The following PCDHGA1 variants were observed in gnomAD, a reference collection of about 807,000 sequenced individuals.
The protein encoded by PCDHGA1 is protocadherin gamma-A1.
In PCDHGA1, 32 loss-of-function variants were observed where a neutral mutation model predicts 58.0. The ratio of observed to expected loss-of-function variants is 0.55; its 90% CI spans 0.42 to 0.74. PCDHGA1 has a LOEUF of 0.74. Ranked by LOEUF, PCDHGA1 falls within the 30% of genes least tolerant of loss-of-function variation. The pLI is 0.00. For synonymous variants in PCDHGA1, 498 were observed against 501.1 expected, an observed-to-expected ratio of 0.99 and a Z score of 0.08; for missense variants, 1,205 against 1,182.3, an observed-to-expected ratio of 1.02 and a Z score of -0.28.
Position 141,332,923 on chromosome 5 carries a change from C to G in PCDHGA1, c.2239C>G (p.Arg747Gly). 1 of 1,614,158 alleles carries G rather than the reference C, an allele frequency of 6.2e-7. No individual in the cohort carries two copies. Among genetic ancestry groups the G allele is most frequent in the Non-Finnish European group, 8.5e-7 (1 of 1,180,034 alleles). The change falls in exon 1 of 4, where the codon CGG becomes GGG. Residue 747 changes from arginine to glycine, a missense_variant. Coordinates refer to ENST00000517417, the MANE Select transcript of PCDHGA1 (RefSeq NM_018912.3). This position sits in a 1 kb window ranked among gnomAD's most constrained non-coding sequence, Gnocchi z 4.6. ...GCACTTTGTGGGCGTGGACGGGGTT[C>G]GGGCTTTCCTGCAGACCTATTCCCA... The part of the protein sequence containing the change: ...GSHFVGVDGV[R>G]AFLQTYSHEV...
At chr5:141,421,873 T>G (rs1219669838) in intron 1 of PCDHGA1, 3 of 1,613,592 alleles carry the variant, frequency 1.9e-6, no homozygotes, top group Non-Finnish European at 2.5e-6. Context: ...CCTCACAGCT[T>G]TAGATGGAGG....
chr5:141,378,375 T>C (rs2150126691), intron 1 of PCDHGA1: 1 of 152,224 alleles, frequency 6.6e-6, no homozygotes, highest in African/African-American at 2.4e-5. Context: ...ATACAAAAAT[T>C]AGCCAGGTGG....
intron 1 of PCDHGA1, among the ~76,000 whole-genome samples, chr5:141,449,264 C>T (rs2098633342): frequency 6.6e-6 from 1 of 152,056 alleles, no homozygotes; most frequent in African/African-American, 2.4e-5. Flanking sequence ...GTACAAAGAA[C>T]TGTATCTCCT....
At chr5:141,449,818 A>G (rs1446661913) in intron 1 of PCDHGA1, among the ~76,000 whole-genome samples, 2 of 151,708 alleles carry the variant, frequency 1.3e-5, no homozygotes, top group Non-Finnish European at 2.9e-5. Flanking sequence ...GTATTTCCTA[A>G]CAAGGACATT....
chr5:141,391,176 T>C (rs562307508), intron 1 of PCDHGA1: 1 of 152,322 alleles, frequency 6.6e-6, no homozygotes, highest in African/African-American at 2.4e-5. Context: ...ACTGCCAATC[T>C]GGTGTGCATA....
At chr5:141,478,159 T>C (rs1456465606) in intron 1 of PCDHGA1, 2 of 1,614,064 alleles carry the variant, frequency 1.2e-6, no homozygotes, top group Admixed American at 1.7e-5. Flanking sequence ...CCTCTGGCTC[T>C]GCCCCCCGGG....
intron 1 of PCDHGA1, chr5:141,356,408 GGTTGTT>G: frequency 3.8e-6 from 6 of 1,595,544 alleles, no homozygotes; most frequent in Non-Finnish European, 5.1e-6. Flanking sequence ...AATTATTATC[GGTTGTT>G]GACACACAGA....
chr5:141,476,661 T>G lies in PCDHGA1; in HGVS notation c.2422-18146T>G. 1.2e-6 allele frequency: 2 copies of G among 1,614,076 alleles called. No individual in the cohort carries two copies. The highest frequency in any genetic ancestry group is 1.7e-6 in the Non-Finnish European group (2 of 1,179,938). On this transcript the variant is annotated intron_variant, in intron 1 of 3. Coordinates refer to ENST00000517417, the MANE Select transcript of PCDHGA1 (RefSeq NM_018912.3). The surrounding 1 kb of genome is among the most constrained non-coding windows in gnomAD (Gnocchi z 7.6). Reference sequence around the variant, plus strand: ...CTGAGCCGAAATGAATACTTTGCGCTTCGCGTGCAGACGCGGGAGGACAGC... The same window carrying G: ...CTGAGCCGAAATGAATACTTTGCGCGTCGCGTGCAGACGCGGGAGGACAGC...
At position 141,494,787 on chromosome 5, in the gene PCDHGA1, T is replaced by G. The variant is rs763990551; in HGVS notation, c.2422-20T>G. The G allele has an allele frequency of 6.2e-7, 1 of 1,614,044 alleles. No individual in the cohort carries two copies. Among genetic ancestry groups the G allele is most frequent in the Non-Finnish European group, 8.5e-7 (1 of 1,179,990 alleles). On this transcript the variant is annotated intron_variant, in intron 1 of 3. Transcript: ENST00000517417. ...ACTTCTCACGGGTACTCAGCCCCTT[T>G]CCCTCTGTTTTCTCCACAGCAAGCC...
intron 1 of PCDHGA1, chr5:141,372,919 A>G (rs1404152823): frequency 2.0e-6 from 2 of 1,017,920 alleles, no homozygotes; most frequent in Non-Finnish European, 2.8e-6. Flanking sequence ...TATTTTATTG[A>G]TTTTCTGGTG....
Position 141,414,386 on chromosome 5 carries a change from G to A in PCDHGA1, c.2422-80421G>A, listed in dbSNP as rs746637010. On this transcript the variant is annotated intron_variant, in intron 1 of 3. Transcript: ENST00000517417. ...TTTAAATTAGAAAAGTCCATTGACA[G>A]TTATTACAGATTGGTGATACACAGA... is the stretch of plus-strand genomic sequence containing the variant. The A allele has an allele frequency of 1.9e-6, 3 of 1,613,906 alleles. No homozygotes were observed. The Admixed American group carries it at 5.0e-5, about 27-fold the overall frequency.
At chr5:141,500,222 T>TGA (rs1355843194) in intron 2 of PCDHGA1, among the ~76,000 whole-genome samples, 1 of 146,758 alleles carries the variant, frequency 6.8e-6, no homozygotes, top group Non-Finnish European at 1.5e-5. Flanking sequence ...ATTTATTTAT[T>TGA]TATTGATACG....
At position 141,382,780 on chromosome 5, in the gene PCDHGA1, A is replaced by T. The variant is rs1050419701; in HGVS notation, c.2421+49675A>T. On this transcript the variant is annotated intron_variant, in intron 1 of 3. Coordinates refer to ENST00000517417, the MANE Select transcript of PCDHGA1 (RefSeq NM_018912.3). ...CCCTCTTCCAGGCTGCACTAAACTC[A>T]AGCCTCTATCCTGCTGGATTCTGAG... is the stretch of plus-strand genomic sequence containing the variant. 8.4e-6 allele frequency: 7 copies of T among 836,240 alleles called. No homozygotes were observed. The African/African-American group carries it at 1.2e-4, about 14-fold the overall frequency. 51.8% of individuals were successfully genotyped at this position (836,240 alleles called of 1,614,324 possible).
intron 1 of PCDHGA1, chr5:141,408,375 T>C: frequency 6.2e-7 from 1 of 1,613,972 alleles, no homozygotes; most frequent in Non-Finnish European, 8.5e-7. Context: ...GGGCTCAGTG[T>C]CCTGGATGTG....
At chr5:141,448,316 T>G (rs1042171540) in intron 1 of PCDHGA1, among the ~76,000 whole-genome samples, 2 of 152,174 alleles carry the variant, frequency 1.3e-5, no homozygotes, top group Admixed American at 1.3e-4. Context: ...AGGAATCTTT[T>G]CTTTGAATCT....
chr5:141,351,814 C>A, intron 1 of PCDHGA1: 1 of 1,613,246 alleles, frequency 6.2e-7, no homozygotes, highest in South Asian at 1.1e-5. Context: ...CCTTCGACCA[C>A]GAGCAGCTGC....
At chr5:141,475,992 C>A in intron 1 of PCDHGA1, 1 of 1,158,844 alleles carries the variant, frequency 8.6e-7, no homozygotes, top group Non-Finnish European at 1.2e-6. Context: ...GCGAGCAAAT[C>A]AACGGCATCC....
chr5:141,371,367 G>T, intron 1 of PCDHGA1: 1 of 1,613,892 alleles, frequency 6.2e-7, no homozygotes, highest in South Asian at 1.1e-5. Context: ...AAAGGATGGT[G>T]GACATCACAC....
intron 1 of PCDHGA1, chr5:141,364,163 A>G (rs1042010311): frequency 7.4e-6 from 5 of 674,008 alleles, no homozygotes; most frequent in African/African-American, 1.9e-5. Context: ...CGCAGAGGCG[A>G]CCCGACTCTG....
Sources: gnomAD v4.1 joint callset for allele counts (sites outside exome capture counted in the v4.1 genomes callset) on GRCh38, gnomAD v4.1.1 for gene constraint, Gnocchi (gnomAD v3.1) non-coding constraint, MANE v1.5 for transcripts, NCBI Gene and HGNC (gene_info 2026-07-23, HGNC 2026-07-21) for gene names.